GLIS3: variants seen among roughly 807,000 people sequenced by gnomAD.
GLIS3 encodes the protein zinc finger protein GLIS3.
In GLIS3, 53 loss-of-function variants were observed where a neutral mutation model predicts 78.6. That is an observed-to-expected ratio of 0.67 (90% CI 0.54 to 0.85). The LOEUF is 0.85. Among genes scored for constraint, GLIS3 ranks in the 40% least tolerant of loss-of-function variants. The probability of loss-of-function intolerance (pLI) is 0.00; values close to 1 mark genes in which losing one functional copy is unlikely to be tolerated. For missense variants in GLIS3, 1,703 were observed against 1,231.1 expected, an observed-to-expected ratio of 1.38 and a Z score of -5.74; for synonymous variants, 684 against 509.9, an observed-to-expected ratio of 1.34 and a Z score of -4.60.
intron 2 of GLIS3, among the ~76,000 whole-genome samples, chr9:4,335,089 T>C (rs1271998753): frequency 6.6e-6 from 1 of 152,020 alleles, no homozygotes; most frequent in Non-Finnish European, 1.5e-5. Flanking sequence ...TTTGTGTTTT[T>C]AGTGGAGACG....
chr9:4,299,153 C>G (rs950424086), intron 1 of GLIS3, among the ~76,000 whole-genome samples: 2 of 152,214 alleles, frequency 1.3e-5, no homozygotes, highest in South Asian at 4.1e-4. Context: ...GTCTTCTACA[C>G]TGGGCGCTCT....
intron 1 of GLIS3, among the ~76,000 whole-genome samples, chr9:4,291,783 C>A (rs1816004086): frequency 6.6e-6 from 1 of 152,120 alleles, no homozygotes; most frequent in Admixed American, 6.5e-5. Flanking sequence ...CGCTCGAGGG[C>A]AATATTAAAA....
intron 4 of GLIS3, among the ~76,000 whole-genome samples, chr9:4,058,790 C>T (rs889717957): frequency 6.6e-6 from 1 of 152,028 alleles, no homozygotes; most frequent in Non-Finnish European, 1.5e-5. Flanking sequence ...ACCATCCTGG[C>T]TAACACAGTG....
intron 4 of GLIS3, among the ~76,000 whole-genome samples, chr9:4,090,265 G>A (rs1829386172): frequency 6.6e-6 from 1 of 152,092 alleles, no homozygotes; most frequent in Non-Finnish European, 1.5e-5. Flanking sequence ...CCTGCCTACA[G>A]CCCAACAGAT....
chr9:4,007,354 A>G (rs541777166), intron 4 of GLIS3, among the ~76,000 whole-genome samples: 1 of 152,194 alleles, frequency 6.6e-6, no homozygotes, highest in South Asian at 2.1e-4. Flanking sequence ...TGAAGAGGGA[A>G]ATGAAGTCCA....
intron 4 of GLIS3, among the ~76,000 whole-genome samples, chr9:3,986,184 C>A (rs1450768015): frequency 6.6e-6 from 1 of 152,198 alleles, no homozygotes; most frequent in Non-Finnish European, 1.5e-5. Context: ...CAGGCATGCA[C>A]TTTCTCCAAC....
In GLIS3 at chr9:3,988,942, T is replaced by A. The variant is rs78310410; in HGVS notation, c.1711-51753A>T. 6.8e-3 allele frequency among the ~76,000 whole-genome samples: 1,035 copies of A among 152,188 alleles called. 13 individuals are homozygous for A. Among genetic ancestry groups the A allele is most frequent in the African/African-American group, 0.023 (957 of 41,556 alleles). On this transcript the variant is annotated intron_variant, in intron 4 of 10. Transcript: ENST00000381971. The stretch of plus-strand genomic sequence containing the variant: ...ATCAAAATTAGAAACTTTTGTTTGG[T>A]GAAACCTCATGGGAAGAAGATGAAA...
At chr9:4,187,489 G>C (rs1586917063) in intron 2 of GLIS3, among the ~76,000 whole-genome samples, 1 of 152,010 alleles carries the variant, frequency 6.6e-6, no homozygotes, top group Admixed American at 6.5e-5. Context: ...GCTCTTTTTT[G>C]GTTCCATATG....
intron 1 of GLIS3, among the ~76,000 whole-genome samples, chr9:4,289,488 T>C (rs973577543): frequency 1.3e-5 from 2 of 152,134 alleles, no homozygotes; most frequent in Admixed American, 6.5e-5. Flanking sequence ...AATTTCAACA[T>C]TGCATTTACA....
At chr9:4,322,573 T>C (rs1817550084) in intron 2 of GLIS3, among the ~76,000 whole-genome samples, 2 of 152,194 alleles carry the variant, frequency 1.3e-5, no homozygotes, top group Non-Finnish European at 2.9e-5. Context: ...CCAGAATCTG[T>C]TGTTGCCTGA....
At chr9:4,042,209 C>A (rs570366517) in intron 4 of GLIS3, among the ~76,000 whole-genome samples, 1 of 152,086 alleles carries the variant, frequency 6.6e-6, no homozygotes, top group Admixed American at 6.5e-5. Flanking sequence ...ATTTGGGTAC[C>A]AAAATTTCAC....
In GLIS3 at chr9:4,270,888, GGTGTGTGT is replaced by G. The variant is rs148679668; in HGVS notation, c.388+15142_388+15149del. Reference sequence around the variant, plus strand: ...AATCAATCTCTCTCTCAATCTGTGTGGTGTGTGTGTGTGTGTGTGTGTGTGTGTGTGTG... The same window carrying G: ...AATCAATCTCTCTCTCAATCTGTGTGGTGTGTGTGTGTGTGTGTGTGTGTG... On this transcript the variant is annotated intron_variant, in intron 2 of 10. Coordinates refer to ENST00000381971, the MANE Select transcript of GLIS3 (RefSeq NM_001042413.2). 6.5e-3 allele frequency among the ~76,000 whole-genome samples: 952 copies of G among 147,006 alleles called. 7 individuals are homozygous for G. The highest frequency in any genetic ancestry group is 0.022 in the African/African-American group (872 of 40,022).
intron 3 of GLIS3, among the ~76,000 whole-genome samples, chr9:4,121,656 CACACA>C (rs1564082459): frequency 2.6e-5 from 4 of 151,324 alleles, no homozygotes; most frequent in African/African-American, 4.9e-5. Context: ...CACACACACA[CACACA>C]CCCCAAAGTT....
the GLIS3 span, among the ~76,000 whole-genome samples, chr9:4,464,768 T>C: frequency 1.8e-4 from 28 of 152,172 alleles, no homozygotes; most frequent in African/African-American, 5.8e-4. Flanking sequence ...GCAAATAATA[T>C]AAGTGGTATA....
chr9:4,088,314 T>C (rs1829216580), intron 4 of GLIS3, among the ~76,000 whole-genome samples: 2 of 152,268 alleles, frequency 1.3e-5, no homozygotes, highest in African/African-American at 4.8e-5. Flanking sequence ...TCTAGCCCAA[T>C]CCTTGGCATA....
In GLIS3 at chr9:4,151,970, T is replaced by C. The variant is rs985314768; in HGVS notation, c.389-26029A>G. 1.9e-5 allele frequency: 3 copies of C among 161,882 alleles called. No homozygotes were observed. The East Asian group carries it at 5.7e-4, about 31-fold the overall frequency. 10.0% of individuals were successfully genotyped at this position (161,882 alleles called of 1,614,324 possible). A position where few individuals can be genotyped will look rare whatever the true frequency, so the allele number is the denominator to read the frequency against. On this transcript the variant is annotated intron_variant, in intron 2 of 10. Coordinates refer to ENST00000381971, the MANE Select transcript of GLIS3 (RefSeq NM_001042413.2). Reference sequence around the variant, plus strand: ...GAAGACATAAAAACATCACGTAAAATTCAATGTTATTCAACAAATATTTAT... The same window carrying C: ...GAAGACATAAAAACATCACGTAAAACTCAATGTTATTCAACAAATATTTAT...
At chr9:4,464,997 G>A in the GLIS3 span, among the ~76,000 whole-genome samples, 1 of 152,182 alleles carries the variant, frequency 6.6e-6, no homozygotes, top group African/African-American at 2.4e-5. Context: ...AGCTATAAAT[G>A]GATGTGGCCA....
At chr9:3,898,884 G>C in intron 6 of GLIS3, 49 bp from the exon 7 acceptor site, 1 of 1,611,866 alleles carries the variant, frequency 6.2e-7, no homozygotes, top group Non-Finnish European at 8.5e-7. Context: ...CCGGTCCTTG[G>C]AATATTTTCC....
chr9:4,352,896 G>GA (rs765385966), upstream of GLIS3, among the ~76,000 whole-genome samples: 2 of 152,172 alleles, frequency 1.3e-5, no homozygotes, highest in South Asian at 4.1e-4. Context: ...GTGGTGCATG[G>GA]AAAAAATCCA....
Sources: allele counts gnomAD v4.1 joint callset (sites outside exome capture counted in the v4.1 genomes callset), GRCh38; gene constraint gnomAD v4.1.1; transcripts MANE v1.5; gene names NCBI Gene and HGNC (gene_info 2026-07-23, HGNC 2026-07-21).